Variants in TCF7 observed in about 807,000 individuals in gnomAD.
The protein encoded by TCF7 is T-cell-factor-7.
TCF7 carries 19 observed loss-of-function variants against 46.8 expected under a neutral mutation model. The ratio of observed to expected loss-of-function variants is 0.41; its 90% CI spans 0.28 to 0.60. The LOEUF (loss-of-function observed/expected upper bound fraction) is 0.60, where lower values mean the gene tolerates loss of function less well. Among genes scored for constraint, TCF7 ranks in the 20% least tolerant of loss-of-function variants. The pLI is 0.35. For synonymous variants in TCF7, 245 were observed against 213.4 expected (o/e 1.15, Z -1.29); for missense variants, 547 against 504.6 (o/e 1.08, Z -0.81).
At chr5:134,119,486 A>G (rs1360356602) in intron 3 of TCF7, among the ~76,000 whole-genome samples, 1 of 152,246 alleles carries the variant, frequency 6.6e-6, no homozygotes, top group East Asian at 1.9e-4. Context: ...GTATTTTATG[A>G]TATGTGAATT....
intron 3 of TCF7, 73 bp downstream of exon 3, chr5:134,116,106 G>C (rs1755802390): frequency 6.6e-7 from 1 of 1,522,150 alleles, no homozygotes; most frequent in South Asian, 1.3e-5. Flanking sequence ...GCACCGGCAA[G>C]AGACTTCTGC....
chr5:134,145,273 C>G, intron 9 of TCF7: 1 of 542,378 alleles, frequency 1.8e-6, no homozygotes, highest in Middle Eastern at 3.1e-4. Flanking sequence ...GGATCCCTGC[C>G]TGTACCATCC....
intron 9 of TCF7, chr5:134,145,652 T>G: frequency 2.2e-6 from 3 of 1,369,912 alleles, no homozygotes; most frequent in Non-Finnish European, 3.1e-6. Flanking sequence ...CAAGGAGGAG[T>G]TTGGGGTGTG....
intron 9 of TCF7, chr5:134,145,585 C>T: frequency 1.3e-6 from 1 of 756,514 alleles, no homozygotes; most frequent in Non-Finnish European, 2.2e-6. Context: ...AGGCCACTGG[C>T]TCTAAGGAAC....
At chr5:134,111,617 C>T (rs975051518), upstream of TCF7, among the ~76,000 whole-genome samples, 1 of 152,056 alleles carries the variant, frequency 6.6e-6, no homozygotes, top group Non-Finnish European at 1.5e-5. Flanking sequence ...TCTTGGGCCC[C>T]CTATACAGAC....
intron 3 of TCF7, among the ~76,000 whole-genome samples, chr5:134,136,793 G>C (rs1399628310): frequency 6.6e-6 from 1 of 152,206 alleles, no homozygotes; most frequent in East Asian, 1.9e-4. Flanking sequence ...CACCCAGTCA[G>C]GAATTGCACT....
chr5:134,132,504 C>T (rs1458162446), intron 3 of TCF7, among the ~76,000 whole-genome samples: 1 of 152,226 alleles, frequency 6.6e-6, no homozygotes, highest in Non-Finnish European at 1.5e-5. Context: ...CCTCACCTAT[C>T]CCCTACCCCC....
intron 3 of TCF7, among the ~76,000 whole-genome samples, chr5:134,133,831 T>A (rs965484129): frequency 1.3e-5 from 2 of 152,180 alleles, no homozygotes; most frequent in Non-Finnish European, 2.9e-5. Flanking sequence ...GGAAGGCTGA[T>A]AGACAGAATG....
chr5:134,135,000 C>G (rs1758655445), intron 3 of TCF7, among the ~76,000 whole-genome samples: 5 of 152,204 alleles, frequency 3.3e-5, no homozygotes, highest in Admixed American at 2.6e-4. Flanking sequence ...GTCACCCAGG[C>G]TGGAGTGCAG....
chr5:134,137,639 C>T (rs1002126164), intron 3 of TCF7, among the ~76,000 whole-genome samples: 4 of 152,106 alleles, frequency 2.6e-5, no homozygotes, highest in Non-Finnish European at 1.5e-5. Context: ...AATCCCCAGA[C>T]TGGGGGCTAG....
At chr5:134,118,151 A>G (rs1344620388) in intron 3 of TCF7, among the ~76,000 whole-genome samples, 1 of 152,252 alleles carries the variant, frequency 6.6e-6, no homozygotes, top group Admixed American at 6.5e-5. Context: ...TTTTAGAAGC[A>G]TATTTATTAT....
At chr5:134,138,202 G>C in intron 4 of TCF7, 38 bp downstream of exon 4, 1 of 1,581,870 alleles carries the variant, frequency 6.3e-7, no homozygotes, top group South Asian at 1.1e-5. Flanking sequence ...AGTGAAACCA[G>C]AGCCTAAGGG....
intron 3 of TCF7, among the ~76,000 whole-genome samples, chr5:134,123,344 C>T (rs951799215): frequency 2.6e-5 from 4 of 152,252 alleles, no homozygotes; most frequent in Non-Finnish European, 5.9e-5. Context: ...CTCTATACTT[C>T]GCCTGGCTCA....
chr5:134,114,981 CT>C lies in TCF7; in HGVS notation c.77del (p.Phe26SerfsTer31). ...DLGAPDELLAFQDEGEEQDDK... is the reference protein window; with the variant it reads ...DLGAPDELLAXQDEGEEQDDK... ...TCGGCGCGCCGGACGAGCTGCTGGCCTTCCAGGATGAAGGCGAGGAGCAGGA... is the reference window on the plus strand; with the variant it reads ...TCGGCGCGCCGGACGAGCTGCTGGCCTCCAGGATGAAGGCGAGGAGCAGGA... On this transcript the variant is annotated frameshift_variant, in exon 1 of 10. Transcript: ENST00000342854. LOFTEE classifies it high-confidence loss of function. 1.6e-6 allele frequency: 2 copies of C among 1,214,908 alleles called. No individual in the cohort carries two copies. Among genetic ancestry groups the C allele is most frequent in the Non-Finnish European group, 2.1e-6 (2 of 951,834 alleles). 75.3% of individuals were successfully genotyped at this position (1,214,908 alleles called of 1,614,324 possible). A position where few individuals can be genotyped will look rare whatever the true frequency, so the allele number is the denominator to read the frequency against.
intron 5 of TCF7, chr5:134,141,217 C>G (rs976186968): frequency 1.3e-5 from 2 of 158,598 alleles, no homozygotes; most frequent in Non-Finnish European, 2.8e-5. Flanking sequence ...ATCCCCTGAG[C>G]TTTGCCCAAG....
At chr5:134,122,378 C>G (rs987658909) in intron 3 of TCF7, among the ~76,000 whole-genome samples, 1 of 150,934 alleles carries the variant, frequency 6.6e-6, no homozygotes, top group South Asian at 2.1e-4. Context: ...TCCTTCCCCC[C>G]AGGCTCTACC....
chr5:134,144,830 T>C (rs1194577019), intron 9 of TCF7: 1 of 1,614,046 alleles, frequency 6.2e-7, no homozygotes, highest in African/African-American at 1.3e-5. Flanking sequence ...CGTGCTCGCT[T>C]TGGCCTCAAC....
intron 3 of TCF7, among the ~76,000 whole-genome samples, chr5:134,125,288 A>C (rs1757192381): frequency 6.6e-6 from 1 of 152,176 alleles, no homozygotes; most frequent in African/African-American, 2.4e-5. Context: ...TGTAAACTCC[A>C]CATCATTTGG....
chr5:134,132,239 A>G lies in TCF7; in HGVS notation c.442-5820A>G, dbSNP rs187633737. ...GTACCTAATATCATAGGTCTATGTTAGGAGTATCTGAGTTCAACTCTGCAC... is the reference window on the plus strand; with the variant it reads ...GTACCTAATATCATAGGTCTATGTTGGGAGTATCTGAGTTCAACTCTGCAC... On this transcript the variant is annotated intron_variant, in intron 3 of 9. Coordinates refer to ENST00000342854, the MANE Select transcript of TCF7 (RefSeq NM_003202.5). Among the ~76,000 whole-genome samples, 103 of 152,334 alleles carry G rather than the reference A, an allele frequency of 6.8e-4. 1 individual carries two copies. The highest frequency in any genetic ancestry group is 5.8e-3 in the Admixed American group (89 of 15,302).
Sources: allele counts gnomAD v4.1 joint callset (sites outside exome capture counted in the v4.1 genomes callset), GRCh38; gene constraint gnomAD v4.1.1; transcripts MANE v1.5; gene names NCBI Gene and HGNC (gene_info 2026-07-23, HGNC 2026-07-21).